WDR17: variants seen among roughly 807,000 people sequenced by gnomAD.
WDR17 encodes the protein WD repeat domain 17, also known as WD repeat-containing protein 17.
In WDR17, 143 loss-of-function variants were observed where a neutral mutation model predicts 161.7. The observed-to-expected ratio is 0.88, with a 90% CI of 0.77 to 1.02. The LOEUF is 1.02. Ranked by LOEUF, WDR17 falls within the 50% of genes least tolerant of loss-of-function variation. The probability of loss-of-function intolerance (pLI) is 0.00; values close to 1 mark genes in which losing one functional copy is unlikely to be tolerated. For missense variants in WDR17, 1,469 were observed against 1,520.9 expected (o/e 0.97, Z 0.57); for synonymous variants, 517 against 515.6 (o/e 1.00, Z -0.04).
chr4:176,119,904 G>A lies in WDR17; in HGVS notation c.345G>A (p.Glu115=). 6.2e-7 allele frequency: 1 copy of A among 1,614,128 alleles called. No homozygotes were observed. Among genetic ancestry groups the A allele is most frequent in the Non-Finnish European group, 8.5e-7 (1 of 1,180,006 alleles). Residue 115 remains glutamate (E), a synonymous_variant, in exon 4 of 29, where the codon GAG becomes GAA. Coordinates refer to ENST00000508596, the MANE Select transcript of WDR17 (RefSeq NM_181265.4). ...CTCTTAGTTGGTGCTGGAATGCAGAGGATGTGGTGGCATTTGTTTCCCACA... is the reference window on the plus strand; with the variant it reads ...CTCTTAGTTGGTGCTGGAATGCAGAAGATGTGGTGGCATTTGTTTCCCACA... ...PASLSWCWNA[E]DVVAFVSHRG...
intron 5 of WDR17, among the ~76,000 whole-genome samples, chr4:176,127,594 C>A (rs1742662709): frequency 1.3e-5 from 2 of 152,144 alleles, no homozygotes; most frequent in African/African-American, 2.4e-5. Flanking sequence ...TCATGCCCAG[C>A]CCAATAGGCA....
At chr4:176,072,097 T>C (rs1477339126) in intron 1 of WDR17, among the ~76,000 whole-genome samples, 1 of 152,204 alleles carries the variant, frequency 6.6e-6, no homozygotes, top group Non-Finnish European at 1.5e-5. Context: ...TTGTGACCTA[T>C]TTTGTCTTCT....
At chr4:176,127,773 T>A (rs923792566) in intron 5 of WDR17, among the ~76,000 whole-genome samples, 1 of 152,182 alleles carries the variant, frequency 6.6e-6, no homozygotes, top group Non-Finnish European at 1.5e-5. Flanking sequence ...CCTGTACTCA[T>A]CAGCAGTTAC....
At chr4:176,177,338 T>G in intron 27 of WDR17, 133 bp from the exon 28 acceptor site, 1 of 1,016,438 alleles carries the variant, frequency 9.8e-7, no homozygotes. Flanking sequence ...TGTTTTACTA[T>G]AAATTAAGTC....
At chr4:176,174,005 G>GTT (rs1751116906) in intron 25 of WDR17, among the ~76,000 whole-genome samples, 1 of 151,750 alleles carries the variant, frequency 6.6e-6, no homozygotes, top group African/African-American at 2.4e-5. Flanking sequence ...GGTCATATTT[G>GTT]TTAATTATCC....
Position 176,148,128 on chromosome 4 carries a change from T to A in WDR17, c.1695-5T>A, listed in dbSNP as rs2126807614. On this transcript the variant is annotated splice_polypyrimidine_tract_variant and splice_region_variant and intron_variant, in intron 12 of 28. Transcript: ENST00000508596. ...GTTATCACACCCATAATATTCTGTT[T>A]TCAGTACCGTTCGAATCTGGGATTA... The A allele has an allele frequency of 6.2e-7, 1 of 1,613,388 alleles. No individual in the cohort carries two copies. Among genetic ancestry groups the A allele is most frequent in the East Asian group, 2.2e-5 (1 of 44,832 alleles).
chr4:176,132,463 A>T (rs958303762), intron 7 of WDR17, among the ~76,000 whole-genome samples: 1 of 152,072 alleles, frequency 6.6e-6, no homozygotes, highest in Non-Finnish European at 1.5e-5. Context: ...TAATCTGGAC[A>T]TTTAAGAAAC....
intron 26 of WDR17, 56 bp from the exon 27 acceptor site, chr4:176,177,002 T>G: frequency 1.6e-6 from 2 of 1,267,028 alleles, no homozygotes; most frequent in Non-Finnish European, 1.2e-6. Context: ...TTTGTTTGCT[T>G]TTTCTGATAT....
At chr4:176,070,660 C>T (rs1430579655) in intron 1 of WDR17, among the ~76,000 whole-genome samples, 3 of 151,726 alleles carry the variant, frequency 2.0e-5, no homozygotes, top group East Asian at 1.9e-4. Flanking sequence ...ACTACAGGCA[C>T]GCACCACCAC....
At chr4:176,167,900 A>G (rs1261277695) in intron 22 of WDR17, among the ~76,000 whole-genome samples, 1 of 151,636 alleles carries the variant, frequency 6.6e-6, no homozygotes, top group Non-Finnish European at 1.5e-5. Flanking sequence ...TAATCCCAAC[A>G]CTTCGGGAGG....
intron 18 of WDR17, among the ~76,000 whole-genome samples, chr4:176,157,372 T>TA (rs1232410442): frequency 6.6e-6 from 1 of 152,192 alleles, no homozygotes; most frequent in Admixed American, 6.5e-5. Flanking sequence ...AATCAAAGGC[T>TA]AAACATAAAA....
intron 6 of WDR17, among the ~76,000 whole-genome samples, chr4:176,130,544 A>G (rs1315799490): frequency 2.0e-5 from 3 of 152,060 alleles, no homozygotes; most frequent in Non-Finnish European, 2.9e-5. Flanking sequence ...GGAGATCGAG[A>G]CCATCCTGGC....
At chr4:176,173,478 G>T in intron 25 of WDR17, 109 bp downstream of exon 25, 1 of 613,920 alleles carries the variant, frequency 1.6e-6, no homozygotes, top group Non-Finnish European at 2.8e-6. Flanking sequence ...TGGACAGGTA[G>T]CTACACTTGT....
At chr4:176,079,238 A>G (rs896517236) in intron 1 of WDR17, among the ~76,000 whole-genome samples, 2 of 152,022 alleles carry the variant, frequency 1.3e-5, no homozygotes, top group African/African-American at 4.8e-5. Context: ...TTCATTGTGT[A>G]TATATACCAC....
At chr4:176,130,702 G>GCA (rs1561147928) in intron 6 of WDR17, among the ~76,000 whole-genome samples, 8 of 146,148 alleles carry the variant, frequency 5.5e-5, no homozygotes, top group South Asian at 4.3e-4. Flanking sequence ...CCGAGATCAT[G>GCA]CCACAGCACT....
At position 176,174,647 on chromosome 4, in the gene WDR17, T is replaced by C. The variant is rs1450191739; in HGVS notation, c.3378T>C (p.Gly1126=). 1 of 1,612,052 alleles carries C rather than the reference T, an allele frequency of 6.2e-7. No individual in the cohort carries two copies. Among genetic ancestry groups the C allele is most frequent in the Non-Finnish European group, 8.5e-7 (1 of 1,178,784 alleles). Residue 1126 remains glycine (G), a synonymous_variant, in exon 26 of 29, where the codon GGT becomes GGC. Coordinates refer to ENST00000508596, the MANE Select transcript of WDR17 (RefSeq NM_181265.4). The part of the protein sequence containing the change: ...EARNELLILC[G]YIGALLAIRR... ...GAAATGAGTTGCTGATATTATGTGGTTACATTGGTGCATTACTGGCTATCA... is the reference window on the plus strand; with the variant it reads ...GAAATGAGTTGCTGATATTATGTGGCTACATTGGTGCATTACTGGCTATCA...
rs996216443 is a variant in WDR17 at position 176,181,243 on chromosome 4, C to T, written c.*1664C>T. 6.6e-6 allele frequency: 1 copy of T among 150,742 alleles called. No individual in the cohort carries two copies. The highest frequency in any genetic ancestry group is 1.5e-5 in the Non-Finnish European group (1 of 67,896). 9.3% of individuals were successfully genotyped at this position (150,742 alleles called of 1,614,324 possible). On this transcript the variant is annotated 3_prime_UTR_variant, in exon 29 of 29. Coordinates refer to ENST00000508596, the MANE Select transcript of WDR17 (RefSeq NM_181265.4). ...CAGCACTTCAGGAGGCCGAGATGGG[C>T]AGATCTTGAGGTCGGTAGATGGAGA...
intron 1 of WDR17, among the ~76,000 whole-genome samples, chr4:176,071,071 G>C (rs1303540150): frequency 6.6e-6 from 1 of 151,166 alleles, no homozygotes; most frequent in Non-Finnish European, 1.5e-5. Flanking sequence ...ATTAGAAGGG[G>C]AGCGAGGGTC....
intron 1 of WDR17, among the ~76,000 whole-genome samples, chr4:176,093,905 T>C (rs552662093): frequency 1.3e-5 from 2 of 152,232 alleles, no homozygotes; most frequent in Non-Finnish European, 2.9e-5. Context: ...ATGTGAAATA[T>C]CCTGCTTTTC....
Sources: allele counts gnomAD v4.1 joint callset (sites outside exome capture counted in the v4.1 genomes callset), GRCh38; gene constraint gnomAD v4.1.1; transcripts MANE v1.5; gene names NCBI Gene and HGNC (gene_info 2026-07-23, HGNC 2026-07-21).